The following FBRS variants were observed in gnomAD, a reference collection of about 807,000 sequenced individuals.
FBRS encodes probable fibrosin-1.
FBRS carries 15 observed loss-of-function variants against 86.1 expected under a neutral mutation model. That is an observed-to-expected ratio of 0.17 (90% CI 0.12 to 0.27). The LOEUF is 0.27. Among genes scored for constraint, FBRS ranks in the 10% least tolerant of loss-of-function variants. FBRS has a pLI of 1.00. For synonymous variants in FBRS, 666 were observed against 575.8 expected (o/e 1.16, Z -2.24); for missense variants, 1,367 against 1,301.6 (o/e 1.05, Z -0.77).
rs1014116337 is a variant in FBRS at position 30,664,839 on chromosome 16, GCACCAGCACACC to G, written c.1504_1515del (p.Thr502_His505del). On this transcript the variant is annotated inframe_deletion, in exon 8 of 18. Transcript: ENST00000356166. ...TCCAGTTCCACCAGCACAACCACCA[GCACCAGCACACC>G]CACCAGCACACCCACCAGCACTTCA... is the stretch of plus-strand genomic sequence containing the variant. 2.6e-5 allele frequency: 41 copies of G among 1,578,718 alleles called. No individual in the cohort carries two copies. The highest frequency in any genetic ancestry group is 3.0e-5 in the Non-Finnish European group (35 of 1,162,284).
chr16:30,660,089 G>A, intron 1 of FBRS, 112 bp downstream of exon 1: 1 of 1,449,828 alleles, frequency 6.9e-7, no homozygotes, highest in East Asian at 2.6e-5. Context: ...CCAAACCAGA[G>A]CAACCGGCTC....
In FBRS at chr16:30,662,659, G is replaced by A. The variant is rs975936003; in HGVS notation, c.855G>A (p.Gly285=). Residue 285 remains glycine (G), a synonymous_variant, in exon 6 of 18, where the codon GGG becomes GGA. Coordinates refer to ENST00000356166, the MANE Select transcript of FBRS (RefSeq NM_001105079.3). ...GLERSQEQPP[G]PDPLLVPFPP... Reference sequence around the variant, plus strand: ...AGCGGAGCCAAGAACAGCCCCCGGGGCCCGACCCGCTGCTAGTGCCTTTCC... The same window carrying A: ...AGCGGAGCCAAGAACAGCCCCCGGGACCCGACCCGCTGCTAGTGCCTTTCC... 7 of 1,548,062 alleles carry A rather than the reference G, an allele frequency of 4.5e-6. No homozygotes were observed. The highest frequency in any genetic ancestry group is 3.9e-5 in the Admixed American group (2 of 50,724).
intron 4 of FBRS, 43 bp downstream of exon 4, chr16:30,661,376 A>G: frequency 1.3e-6 from 2 of 1,550,646 alleles, no homozygotes; most frequent in Non-Finnish European, 1.7e-6. Context: ...CACTGCTTGT[A>G]AAAGGGACTG....
Position 30,669,367 on chromosome 16 carries a change from C to G in FBRS, c.2665C>G (p.Pro889Ala), listed in dbSNP as rs2052568371. ...GGAGCCAACCTGGTTGGCAGCACCCCCACGCCTGGCAAGGCCACCCCGCTT... is the reference window on the plus strand; with the variant it reads ...GGAGCCAACCTGGTTGGCAGCACCCGCACGCCTGGCAAGGCCACCCCGCTT... ...FLEPTWLAAP[P>A]RLARPPRFYE... Residue 889 changes from proline to alanine, a missense_variant, in exon 18 of 18, where the codon CCA (proline) becomes GCA (alanine). Pro to Ala is a conservative substitution (Grantham distance 27). Coordinates refer to ENST00000356166, the MANE Select transcript of FBRS (RefSeq NM_001105079.3). This position sits in a 1 kb window ranked among gnomAD's most constrained non-coding sequence, Gnocchi z 5.9. The G allele has an allele frequency of 6.2e-7, 1 of 1,612,718 alleles. No individual in the cohort carries two copies. Among genetic ancestry groups the G allele is most frequent in the South Asian group, 1.1e-5 (1 of 91,070 alleles).
At position 30,661,230 on chromosome 16, in the gene FBRS, C is replaced by A; in HGVS notation, c.675+15C>A. 6.4e-7 allele frequency: 1 copy of A among 1,550,838 alleles called. No homozygotes were observed. The highest frequency in any genetic ancestry group is 8.7e-7 in the Non-Finnish European group (1 of 1,147,058). On this transcript the variant is annotated intron_variant, in intron 3 of 17. Coordinates refer to ENST00000356166, the MANE Select transcript of FBRS (RefSeq NM_001105079.3). ...CTGGATACATAGTAAGTGCTATCCA[C>A]CTGTCCTGGCCCCTCCCTGCTCCAC...
At chr16:30,662,305 G>A in intron 4 of FBRS, 115 bp from the exon 5 acceptor site, 1 of 1,473,462 alleles carries the variant, frequency 6.8e-7, no homozygotes, top group Non-Finnish European at 9.2e-7. Context: ...TAAACTGAAG[G>A]AACAGACTTG....
Position 30,670,248 on chromosome 16 carries a change from C to G in FBRS, c.*603C>G. The G allele has an allele frequency of 2.2e-6, 1 of 456,334 alleles. No homozygotes were observed. The highest frequency in any genetic ancestry group is 1.6e-5 in the South Asian group (1 of 64,486). 28.3% of individuals were successfully genotyped at this position (456,334 alleles called of 1,614,324 possible). ...GGAAAGGGGACTGCAGGGGGAAGAG[C>G]CGGGAAGGGACAGTCAGGCTTCTCC... On this transcript the variant is annotated 3_prime_UTR_variant, in exon 18 of 18. Transcript: ENST00000356166.
chr16:30,665,199 G>C lies in FBRS; in HGVS notation c.1609-107G>C. ...ACAAAAGCAAGAGCCTTGAGCCTGG[G>C]ACAGCTCCCTGGGGGGCTTTAGGGT... On this transcript the variant is annotated intron_variant, in intron 9 of 17. Coordinates refer to ENST00000356166, the MANE Select transcript of FBRS (RefSeq NM_001105079.3). This position sits in a 1 kb window ranked among gnomAD's most constrained non-coding sequence, Gnocchi z 4.1. The C allele has an allele frequency of 6.6e-7, 1 of 1,518,856 alleles. No homozygotes were observed. The highest frequency in any genetic ancestry group is 8.9e-7 in the Non-Finnish European group (1 of 1,127,142). 94.1% of individuals were successfully genotyped at this position (1,518,856 alleles called of 1,614,324 possible).
In FBRS at chr16:30,665,643, G is replaced by A. The variant is rs774047637; in HGVS notation, c.1710G>A (p.Thr570=). The part of the protein sequence containing the change: ...SLQGAFQPKS[T]NPELPPRLGP... ...CCTCCACTCCCCTTTCCCAGAGCAC[G>A]AACCCTGAGCTGCCACCACGACTGG... The change falls in exon 11 of 18, where the codon ACG becomes ACA. Residue 570 remains threonine (T), a synonymous_variant. Coordinates refer to ENST00000356166, the MANE Select transcript of FBRS (RefSeq NM_001105079.3). This position sits in a 1 kb window ranked among gnomAD's most constrained non-coding sequence, Gnocchi z 4.1. The A allele has an allele frequency of 3.8e-6, 6 of 1,587,748 alleles. No individual in the cohort carries two copies. Among genetic ancestry groups the A allele is most frequent in the Admixed American group, 1.8e-5 (1 of 55,782 alleles).
Position 30,669,450 on chromosome 16 carries a change from C to T in FBRS, c.2748C>T (p.Tyr916=), listed in dbSNP as rs148249311. 629 of 1,613,090 alleles carry T rather than the reference C, an allele frequency of 3.9e-4. 1 individual carries two copies. The African/African-American group carries it at 6.8e-3, about 18-fold the overall frequency. Residue 916 remains tyrosine, a synonymous_variant, in exon 18 of 18, where the codon TAC becomes TAT. Transcript: ENST00000356166. The surrounding 1 kb of genome is among the most constrained non-coding windows in gnomAD (Gnocchi z 5.9). The stretch of plus-strand genomic sequence containing the variant: ...GGGCCGTGGCCGCTGCCCGCCTCTA[C>T]GGTCTGGAACCTGCTCACCCCTTGC... The part of the protein sequence containing the change: ...GPGAVAAARL[Y]GLEPAHPLLY...
In FBRS at chr16:30,668,987, T is replaced by TCCCACCCACCCTGCCCCTGC. The variant is rs1279849725; in HGVS notation, c.2366+16_2366+35dup. On this transcript the variant is annotated intron_variant, in intron 17 of 17. Transcript: ENST00000356166. The stretch of plus-strand genomic sequence containing the variant: ...CAAGGAGGAGAAGGACAGGTGTGCC[T>TCCCACCCACCCTGCCCCTGC]CCCACCCACCCTGCCCCTGCCCCAC... 2.0e-6 allele frequency: 3 copies of TCCCACCCACCCTGCCCCTGC among 1,483,910 alleles called. No homozygotes were observed. The East Asian group carries it at 7.3e-5, about 36-fold the overall frequency. 91.9% of individuals were successfully genotyped at this position (1,483,910 alleles called of 1,614,324 possible).
chr16:30,661,371 C>T, intron 4 of FBRS, 38 bp downstream of exon 4: 1 of 1,550,622 alleles, frequency 6.4e-7, no homozygotes, highest in Non-Finnish European at 8.7e-7. Context: ...AGTGTCACTG[C>T]TTGTAAAAGG....
Position 30,662,233 on chromosome 16 carries a change from G to T in FBRS, c.706-187G>T, listed in dbSNP as rs2052470667. On this transcript the variant is annotated intron_variant, in intron 4 of 17. Coordinates refer to ENST00000356166, the MANE Select transcript of FBRS (RefSeq NM_001105079.3). Reference sequence around the variant, plus strand: ...GCCTATCGGATTCTTGGGGTCAGCTGCTCCACTCTGCTTTTTCTCCAAGCT... The same window carrying T: ...GCCTATCGGATTCTTGGGGTCAGCTTCTCCACTCTGCTTTTTCTCCAAGCT... The T allele has an allele frequency of 8.3e-6, 7 of 844,558 alleles. No individual in the cohort carries two copies. The South Asian group carries it at 9.1e-5, about 11-fold the overall frequency. The allele number at this position is 844,558 out of a possible 1,614,324, so 52.3% of individuals were successfully genotyped here. A position where few individuals can be genotyped will look rare whatever the true frequency, so the allele number is the denominator to read the frequency against.
Position 30,662,583 on chromosome 16 carries a change from A to G in FBRS, c.779A>G (p.Asn260Ser), listed in dbSNP as rs898250517. The G allele has an allele frequency of 3.0e-5, 46 of 1,542,246 alleles. No individual in the cohort carries two copies. The highest frequency in any genetic ancestry group is 1.1e-4 in the African/African-American group (8 of 72,826). Reference protein sequence around the residue: ...SKASGPHGAFNGNCEAKLSVV... With the variant: ...SKASGPHGAFSGNCEAKLSVV... ...GCCTCGGGCCCCCACGGCGCCTTCA[A>G]TGGGAACTGTGAAGCAAAACTCTCC... Residue 260 changes from asparagine (N) to serine (S), a missense_variant, in exon 6 of 18, where the codon AAT (asparagine) becomes AGT (serine). Coordinates refer to ENST00000356166, the MANE Select transcript of FBRS (RefSeq NM_001105079.3).
intron 12 of FBRS, 68 bp downstream of exon 12, chr16:30,666,609 G>A: frequency 6.2e-7 from 1 of 1,610,282 alleles, no homozygotes; most frequent in Non-Finnish European, 8.5e-7. Context: ...GGCTAAGGGG[G>A]GTTTTGCTTA....
At chr16:30,662,244 C>T (rs1879237047) in intron 4 of FBRS, 176 bp from the exon 5 acceptor site, 4 of 973,346 alleles carry the variant, frequency 4.1e-6, no homozygotes, top group African/African-American at 3.3e-5. Context: ...CTCCACTCTG[C>T]TTTTTCTCCA....
In FBRS at chr16:30,662,573, G is replaced by C; in HGVS notation, c.769G>C (p.Gly257Arg). The part of the protein sequence containing the change: ...VSTSKASGPH[G>R]AFNGNCEAKL... ...CTGCCCCACAGCCTCGGGCCCCCAC[G>C]GCGCCTTCAATGGGAACTGTGAAGC... The change falls in exon 6 of 18, where the codon GGC (glycine) becomes CGC (arginine). Residue 257 changes from glycine to arginine, a missense_variant. Transcript: ENST00000356166. The C allele has an allele frequency of 6.5e-7, 1 of 1,542,606 alleles. No homozygotes were observed. The highest frequency in any genetic ancestry group is 8.8e-7 in the Non-Finnish European group (1 of 1,141,338).
At position 30,660,763 on chromosome 16, in the gene FBRS, C is replaced by T. The variant is rs574600909; in HGVS notation, c.639+321C>T. Among the ~76,000 whole-genome samples the T allele has an allele frequency of 1.4e-4, 22 of 152,230 alleles. 1 individual carries two copies. The South Asian group carries it at 4.4e-3, about 30-fold the overall frequency. ...TGGCAGTCCAGCAGAAAAGAAATAGCCAGCAAGCAAACACCTAGACCTTAA... is the reference window on the plus strand; with the variant it reads ...TGGCAGTCCAGCAGAAAAGAAATAGTCAGCAAGCAAACACCTAGACCTTAA... On this transcript the variant is annotated intron_variant, in intron 2 of 17. Transcript: ENST00000356166.
chr16:30,663,183 T>G, intron 6 of FBRS: 1 of 272,354 alleles, frequency 3.7e-6, no homozygotes, highest in Non-Finnish European at 6.6e-6. Context: ...GGCTTTGGTG[T>G]CAGACCCAGA....
Sources: allele counts gnomAD v4.1 joint callset (sites outside exome capture counted in the v4.1 genomes callset), GRCh38; gene constraint gnomAD v4.1.1; non-coding constraint Gnocchi (gnomAD v3.1); transcripts MANE v1.5; gene names NCBI Gene and HGNC (gene_info 2026-07-23, HGNC 2026-07-21).